RAB3C: variants seen among roughly 807,000 people sequenced by gnomAD.
RAB3C encodes RAB3C, member RAS oncogene family.
In RAB3C, 17 loss-of-function variants were observed where a neutral mutation model predicts 26.4. The observed-to-expected ratio is 0.64, with a 90% CI of 0.44 to 0.97. RAB3C has a LOEUF of 0.97. Among genes scored for constraint, RAB3C ranks in the 50% least tolerant of loss-of-function variants. The pLI is 0.00. For missense variants in RAB3C, 242 were observed against 281.9 expected, an observed-to-expected ratio of 0.86 and a Z score of 1.01; for synonymous variants, 91 against 95.9, an observed-to-expected ratio of 0.95 and a Z score of 0.30.
At chr5:58,776,597 A>G (rs1742147213) in intron 3 of RAB3C, among the ~76,000 whole-genome samples, 1 of 151,992 alleles carries the variant, frequency 6.6e-6, no homozygotes, top group South Asian at 2.1e-4. Context: ...TTAATCTTCC[A>G]TCTTATTTAT....
chr5:58,736,330 T>C (rs1278360913), intron 3 of RAB3C, among the ~76,000 whole-genome samples: 1 of 152,208 alleles, frequency 6.6e-6, no homozygotes, highest in African/African-American at 2.4e-5. Flanking sequence ...TAATGATACA[T>C]GCAATGTGTG....
At chr5:58,728,104 G>A (rs1055865972) in intron 3 of RAB3C, among the ~76,000 whole-genome samples, 7 of 151,952 alleles carry the variant, frequency 4.6e-5, no homozygotes, top group South Asian at 2.1e-4. Flanking sequence ...ACCAACAAAA[G>A]CCTGTTCTAG....
In RAB3C at chr5:58,583,186, G is replaced by T; in HGVS notation, c.-23G>T. 6.2e-7 allele frequency: 1 copy of T among 1,614,200 alleles called. No homozygotes were observed. Among genetic ancestry groups the T allele is most frequent in the Non-Finnish European group, 8.5e-7 (1 of 1,180,036 alleles). On this transcript the variant is annotated 5_prime_UTR_variant, in exon 1 of 5. Transcript: ENST00000282878. ...GCCCAGACCAGTGCGGTCCTAGCCA[G>T]AGAGAAAGGACATTTGCCAACAATG...
At chr5:58,753,990 C>T (rs991368160) in intron 3 of RAB3C, among the ~76,000 whole-genome samples, 2 of 151,984 alleles carry the variant, frequency 1.3e-5, no homozygotes, top group African/African-American at 2.4e-5. Context: ...TGGGCCAAGA[C>T]GTGTCAGATG....
intron 1 of RAB3C, among the ~76,000 whole-genome samples, chr5:58,587,330 A>C (rs1347606162): frequency 6.6e-6 from 1 of 152,110 alleles, no homozygotes; most frequent in Non-Finnish European, 1.5e-5. Context: ...ACTCTTGCCC[A>C]CTCAACTCGC....
chr5:58,613,636 A>T (rs1049426919), intron 1 of RAB3C, among the ~76,000 whole-genome samples: 1 of 152,156 alleles, frequency 6.6e-6, no homozygotes, highest in Admixed American at 6.6e-5. Flanking sequence ...ACCTATGTTC[A>T]TAACAGTTAA....
intron 3 of RAB3C, chr5:58,822,745 G>T (rs904536528): frequency 5.8e-6 from 3 of 516,020 alleles, no homozygotes; most frequent in Non-Finnish European, 1.1e-5. Flanking sequence ...ATATGTACAT[G>T]GTACATGAAC....
At chr5:58,764,218 G>A (rs893168527) in intron 3 of RAB3C, among the ~76,000 whole-genome samples, 6 of 152,106 alleles carry the variant, frequency 3.9e-5, no homozygotes, top group East Asian at 1.9e-4. Context: ...GTCTACATGC[G>A]TCACCTTTGT....
chr5:58,662,430 G>A (rs1325603118), intron 2 of RAB3C, among the ~76,000 whole-genome samples: 1 of 149,744 alleles, frequency 6.7e-6, no homozygotes, highest in Non-Finnish European at 1.5e-5. Flanking sequence ...AGGGGTTGAA[G>A]GAAAAAATCA....
intron 1 of RAB3C, among the ~76,000 whole-genome samples, chr5:58,586,680 C>A (rs1746014704): frequency 6.6e-6 from 1 of 151,764 alleles, no homozygotes; most frequent in South Asian, 2.1e-4. Context: ...AGTCTTCTGA[C>A]TATTGAGGAA....
At chr5:58,623,323 G>A (rs2111733262) in intron 2 of RAB3C, among the ~76,000 whole-genome samples, 1 of 152,246 alleles carries the variant, frequency 6.6e-6, no homozygotes, top group East Asian at 1.9e-4. Flanking sequence ...GTGCTCAGGT[G>A]GCCTAGTCAC....
intron 3 of RAB3C, among the ~76,000 whole-genome samples, chr5:58,773,036 G>A (rs1262367645): frequency 2.0e-5 from 3 of 152,260 alleles, no homozygotes; most frequent in African/African-American, 2.4e-5. Flanking sequence ...GATTCTCCCA[G>A]GAGAGCAATA....
chr5:58,800,426 A>T (rs1212472127), intron 3 of RAB3C, among the ~76,000 whole-genome samples: 2 of 152,234 alleles, frequency 1.3e-5, no homozygotes, highest in Non-Finnish European at 1.5e-5. Context: ...AACTATAATC[A>T]GTGTTTTTAA....
rs988460461 is a variant in RAB3C, at chr5:58,837,067, A to G, written c.496+11905A>G. Among the ~76,000 whole-genome samples the G allele has an allele frequency of 2.0e-5, 3 of 152,202 alleles. No individual in the cohort carries two copies. In the South Asian group the frequency reaches 6.2e-4, roughly 32 times the overall value. Reference sequence around the variant, plus strand: ...TTGTTATTTTTTGTGTTTTGATAATAGCCATCCTAACTACGGTGAGATAGA... The same window carrying G: ...TTGTTATTTTTTGTGTTTTGATAATGGCCATCCTAACTACGGTGAGATAGA... On this transcript the variant is annotated intron_variant, in intron 4 of 4. Coordinates refer to ENST00000282878, the MANE Select transcript of RAB3C (RefSeq NM_138453.4).
At chr5:58,836,968 A>G (rs1231748760) in intron 4 of RAB3C, among the ~76,000 whole-genome samples, 1 of 152,182 alleles carries the variant, frequency 6.6e-6, no homozygotes, top group African/African-American at 2.4e-5. Flanking sequence ...ACTGTTCTCC[A>G]TAGTGGTTAT....
At chr5:58,704,051 C>G (rs979113756) in intron 2 of RAB3C, among the ~76,000 whole-genome samples, 1 of 152,056 alleles carries the variant, frequency 6.6e-6, no homozygotes, top group African/African-American at 2.4e-5. Flanking sequence ...AACCTTTTAC[C>G]CAGAAAGAAT....
chr5:58,746,754 T>C (rs188247738), intron 3 of RAB3C, among the ~76,000 whole-genome samples: 3 of 152,350 alleles, frequency 2.0e-5, no homozygotes, highest in African/African-American at 7.2e-5. Context: ...TTTCACAAAG[T>C]TGTTTTGCAA....
chr5:58,832,891 A>C (rs1322293202), intron 4 of RAB3C, among the ~76,000 whole-genome samples: 2 of 152,188 alleles, frequency 1.3e-5, no homozygotes, highest in Non-Finnish European at 2.9e-5. Flanking sequence ...CCTAAGTTTT[A>C]AACACTGGAG....
At chr5:58,847,629 T>C (rs2112087395) in intron 4 of RAB3C, among the ~76,000 whole-genome samples, 1 of 152,286 alleles carries the variant, frequency 6.6e-6, no homozygotes, top group Middle Eastern at 3.4e-3. Context: ...GTTGAGGGCA[T>C]GAGCATCCTC....
Sources: gnomAD v4.1 joint callset for allele counts (sites outside exome capture counted in the v4.1 genomes callset) on GRCh38, gnomAD v4.1.1 for gene constraint, MANE v1.5 for transcripts, NCBI Gene and HGNC (gene_info 2026-07-23, HGNC 2026-07-21) for gene names.